CEP170: variants seen among roughly 807,000 people sequenced by gnomAD.
CEP170 encodes the protein centrosomal protein 170.
CEP170 carries 21 observed loss-of-function variants against 151.9 expected under a neutral mutation model. The observed-to-expected ratio is 0.14, with a 90% CI of 0.10 to 0.20. The LOEUF is 0.20. Among genes scored for constraint, CEP170 ranks in the 10% least tolerant of loss-of-function variants. The pLI is 1.00. For synonymous variants in CEP170, 356 were observed against 648.8 expected, an observed-to-expected ratio of 0.55 and a Z score of 6.86; for missense variants, 964 against 1,892.9, an observed-to-expected ratio of 0.51 and a Z score of 9.11.
rs143653413 is a variant in CEP170 at position 243,221,954 on chromosome 1, C to T, written c.106-141G>A. The T allele has an allele frequency of 3.4e-4, 223 of 647,538 alleles. 1 individual carries two copies. The highest frequency in any genetic ancestry group is 3.4e-3 in the African/African-American group (177 of 52,718). 40.1% of individuals were successfully genotyped at this position (647,538 alleles called of 1,614,324 possible). A position where few individuals can be genotyped will look rare whatever the true frequency, so the allele number is the denominator to read the frequency against. The stretch of plus-strand genomic sequence containing the variant: ...AAGTGTGGATTAAATGAGATTAAAA[C>T]GGTGCCACTATACAACAAAATCTTT... On this transcript the variant is annotated intron_variant, in intron 2 of 19. Coordinates refer to ENST00000366542, the MANE Select transcript of CEP170 (RefSeq NM_014812.3).
Position 243,172,988 on chromosome 1 carries a change from C to T in CEP170, c.1567-142G>A, listed in dbSNP as rs140879889. Reference sequence around the variant, plus strand: ...TTAATTTCAAAACTAAGGAAAACTTCTTGAATGACAGTAACAGCTAATTGT... The same window carrying T: ...TTAATTTCAAAACTAAGGAAAACTTTTTGAATGACAGTAACAGCTAATTGT... On this transcript the variant is annotated intron_variant, in intron 10 of 19. Transcript: ENST00000366542. The T allele has an allele frequency of 4.5e-4, 462 of 1,027,372 alleles. 3 individuals are homozygous for T. In the African/African-American group the frequency reaches 7.3e-3, roughly 16 times the overall value. 63.6% of individuals were successfully genotyped at this position (1,027,372 alleles called of 1,614,324 possible).
intron 1 of CEP170, among the ~76,000 whole-genome samples, chr1:243,254,187 A>AAAATAAATAAAT (rs139268057): frequency 0.015 from 2,305 of 148,762 alleles, 66 homozygotes; most frequent in African/African-American, 0.054. Context: ...TACATTCCTC[A>AAAATAAATAAAT]AAATAAATAA....
intron 17 of CEP170, among the ~76,000 whole-genome samples, chr1:243,131,508 C>CA (rs956909698): frequency 7.3e-5 from 11 of 151,222 alleles, no homozygotes; most frequent in East Asian, 3.9e-4. Flanking sequence ...AACAAAAAAA[C>CA]AAAAAAACAA....
At chr1:243,214,961 T>C (rs1207700145) in intron 3 of CEP170, among the ~76,000 whole-genome samples, 3 of 152,220 alleles carry the variant, frequency 2.0e-5, no homozygotes, top group African/African-American at 4.8e-5. Flanking sequence ...TGACCCTGAA[T>C]GGAGGGACCA....
intron 3 of CEP170, among the ~76,000 whole-genome samples, chr1:243,220,100 C>G (rs1424718153): frequency 6.6e-6 from 1 of 152,202 alleles, no homozygotes; most frequent in Non-Finnish European, 1.5e-5. Flanking sequence ...ATGTCAACAT[C>G]AGCAGGTTAA....
At chr1:243,177,204 T>C (rs866943771) in intron 10 of CEP170, among the ~76,000 whole-genome samples, 4 of 152,144 alleles carry the variant, frequency 2.6e-5, no homozygotes, top group African/African-American at 4.8e-5. Context: ...ATAGAGACCA[T>C]TGTGAAAGAA....
intron 13 of CEP170, among the ~76,000 whole-genome samples, chr1:243,157,013 A>G: frequency 6.6e-6 from 1 of 152,244 alleles, no homozygotes; most frequent in Non-Finnish European, 1.5e-5. Flanking sequence ...TACCTCTGTC[A>G]TTCAACATCC....
At chr1:243,216,664 G>C (rs2062331272) in intron 3 of CEP170, among the ~76,000 whole-genome samples, 1 of 152,072 alleles carries the variant, frequency 6.6e-6, no homozygotes, top group Admixed American at 6.5e-5. Context: ...ATCAGAAAAA[G>C]TTACAATCTT....
chr1:243,146,774 AG>A (rs2056544073), intron 14 of CEP170, among the ~76,000 whole-genome samples: 1 of 152,216 alleles, frequency 6.6e-6, no homozygotes, highest in Non-Finnish European at 1.5e-5. Context: ...ACCCTATACT[AG>A]CACACAGAGG....
chr1:243,189,157 A>G (rs546527001), intron 8 of CEP170, among the ~76,000 whole-genome samples: 1 of 152,334 alleles, frequency 6.6e-6, no homozygotes, highest in African/African-American at 2.4e-5. Context: ...TCTAATCATT[A>G]AAATACAGAT....
intron 13 of CEP170, chr1:243,163,420 C>T (rs2058217524): frequency 6.6e-6 from 1 of 152,228 alleles, no homozygotes; most frequent in African/African-American, 2.4e-5. Context: ...CAAATATCCA[C>T]CTCATTACTC....
chr1:243,150,870 G>A (rs971869393), intron 14 of CEP170, among the ~76,000 whole-genome samples: 5 of 152,184 alleles, frequency 3.3e-5, no homozygotes, highest in African/African-American at 1.2e-4. Context: ...TTTTACCGAT[G>A]AGATCACTAG....
At chr1:243,180,627 T>C (rs903716814) in intron 10 of CEP170, among the ~76,000 whole-genome samples, 6 of 152,226 alleles carry the variant, frequency 3.9e-5, no homozygotes, top group African/African-American at 1.4e-4. Flanking sequence ...TTCTTCTACA[T>C]AGATTTTGAT....
chr1:243,196,217 A>G (rs924901973), intron 7 of CEP170, among the ~76,000 whole-genome samples: 3 of 152,034 alleles, frequency 2.0e-5, no homozygotes. Flanking sequence ...TGTGTTTACA[A>G]GAGTAATGAT....
Position 243,230,021 on chromosome 1 carries a change from T to G in CEP170, c.-41-4700A>C, listed in dbSNP as rs544993725. On this transcript the variant is annotated intron_variant, in intron 1 of 19. Coordinates refer to ENST00000366542, the MANE Select transcript of CEP170 (RefSeq NM_014812.3). ...CAGCAATCCCTGGAGAGTGGAAGGA[T>G]TACATTTCCAGATCTACCACAACAT... Among the ~76,000 whole-genome samples the G allele has an allele frequency of 1.2e-4, 19 of 152,154 alleles. No individual in the cohort carries two copies. In the South Asian group the frequency reaches 3.9e-3, roughly 32 times the overall value.
At chr1:243,230,027 T>A (rs2063590262) in intron 1 of CEP170, among the ~76,000 whole-genome samples, 1 of 152,016 alleles carries the variant, frequency 6.6e-6, no homozygotes, top group Non-Finnish European at 1.5e-5. Context: ...AGGATTACAT[T>A]TCCAGATCTA....
intron 16 of CEP170, among the ~76,000 whole-genome samples, chr1:243,138,513 C>G (rs2055414926): frequency 6.6e-6 from 1 of 152,092 alleles, no homozygotes; most frequent in South Asian, 2.1e-4. Flanking sequence ...AATCTATGAT[C>G]AATCTCTTCT....
intron 1 of CEP170, among the ~76,000 whole-genome samples, chr1:243,242,250 G>A (rs1031871094): frequency 7.9e-5 from 12 of 152,010 alleles, no homozygotes; most frequent in Non-Finnish European, 1.8e-4. Context: ...GGACAGTCTC[G>A]CTCTGTCGCC....
chr1:243,126,808 G>T (rs1481499470), intron 19 of CEP170, 70 bp from the exon 20 acceptor site: 4 of 1,378,394 alleles, frequency 2.9e-6, no homozygotes, highest in African/African-American at 1.5e-5. Flanking sequence ...TCATGATTTG[G>T]ATAATATTTA....
Sources: gnomAD v4.1 joint callset for allele counts (sites outside exome capture counted in the v4.1 genomes callset) on GRCh38, gnomAD v4.1.1 for gene constraint, MANE v1.5 for transcripts, NCBI Gene and HGNC (gene_info 2026-07-23, HGNC 2026-07-21) for gene names.